Variants in COL26A1 observed in about 807,000 individuals in gnomAD.
COL26A1 encodes the protein collagen alpha-1(XXVI) chain.
A neutral mutation model predicts 59.3 loss-of-function variants in COL26A1; 41 were observed. The observed-to-expected ratio is 0.69, with a 90% CI of 0.54 to 0.90. The LOEUF is 0.90. COL26A1 is among the 40% of genes least tolerant of loss of function. The pLI is 0.00. For synonymous variants in COL26A1, 266 were observed against 256.0 expected (o/e 1.04, Z -0.37); for missense variants, 612 against 602.3 (o/e 1.02, Z -0.17).
chr7:101,516,404 C>T (rs560192322), intron 3 of COL26A1, among the ~76,000 whole-genome samples: 5 of 151,970 alleles, frequency 3.3e-5, no homozygotes, highest in South Asian at 2.1e-4. Flanking sequence ...CTCGAATAGC[C>T]GGGACTACAG....
chr7:101,428,570 C>A (rs531694776), intron 2 of COL26A1, among the ~76,000 whole-genome samples: 2 of 152,218 alleles, frequency 1.3e-5, no homozygotes, highest in South Asian at 4.1e-4. Context: ...CAAGGTTGGA[C>A]AGGCAGTCGC....
chr7:101,401,744 GGAAGAGGAGGAAGAGGAGGAGGGA>G (rs1363473166), intron 1 of COL26A1, among the ~76,000 whole-genome samples: 1 of 136,572 alleles, frequency 7.3e-6, no homozygotes, highest in African/African-American at 3.0e-5. Context: ...AGAAGGAGGA[GGAAGAGGAGGAAGAGGAGGAGGGA>G]GAAGAGGAGG....
intron 3 of COL26A1, among the ~76,000 whole-genome samples, chr7:101,528,918 C>T (rs1384385232): frequency 6.6e-6 from 1 of 152,138 alleles, no homozygotes; most frequent in Non-Finnish European, 1.5e-5. Flanking sequence ...GTCATCTCAG[C>T]TCTTTGGGAG....
At chr7:101,516,107 TGG>T (rs1795023352) in intron 3 of COL26A1, among the ~76,000 whole-genome samples, 1 of 152,198 alleles carries the variant, frequency 6.6e-6, no homozygotes, top group Non-Finnish European at 1.5e-5. Context: ...AGCCCTGGGT[TGG>T]CCACCATTCA....
At chr7:101,394,606 A>G (rs1228201558) in intron 1 of COL26A1, among the ~76,000 whole-genome samples, 2 of 59,218 alleles carry the variant, frequency 3.4e-5, no homozygotes, top group Non-Finnish European at 7.1e-5. Context: ...TTTTTTTTGT[A>G]GAGATGGGGT....
intron 1 of COL26A1, among the ~76,000 whole-genome samples, chr7:101,395,562 G>A (rs562386231): frequency 1.1e-4 from 16 of 152,164 alleles, no homozygotes; most frequent in Admixed American, 5.9e-4. Context: ...TTTAATCAGC[G>A]GGGCTGGAGG....
At chr7:101,402,878 C>T (rs1792048969) in intron 1 of COL26A1, among the ~76,000 whole-genome samples, 1 of 150,908 alleles carries the variant, frequency 6.6e-6, no homozygotes, top group Non-Finnish European at 1.5e-5. Flanking sequence ...CAGGGTCTTG[C>T]TCTTTTGCCC....
chr7:101,451,253 AT>A (rs1407531621), intron 3 of COL26A1, among the ~76,000 whole-genome samples: 7 of 145,356 alleles, frequency 4.8e-5, no homozygotes, highest in African/African-American at 1.7e-4. Flanking sequence ...ATTGTATATA[AT>A]ATATACAATA....
Position 101,367,671 on chromosome 7 carries a change from GAA to G in COL26A1, c.158+4497_158+4498del, listed in dbSNP as rs60293558. On this transcript the variant is annotated intron_variant, in intron 1 of 12. Coordinates refer to ENST00000313669, the MANE Select transcript of COL26A1 (RefSeq NM_001278563.3). Reference sequence around the variant, plus strand: ...CAGAGTGAGACTCTGTCTCAAAAAAGAAAAAAAAAAAAAAAAAGAAGAAGAGA... The same window carrying G: ...CAGAGTGAGACTCTGTCTCAAAAAAGAAAAAAAAAAAAAAAGAAGAAGAGA... 5.2e-3 allele frequency among the ~76,000 whole-genome samples: 584 copies of G among 111,712 alleles called. 2 individuals carry two copies. The highest frequency in any genetic ancestry group is 0.015 in the African/African-American group (524 of 34,722). The allele number at this position is 111,712 out of a possible 152,430, so 73.3% of individuals were successfully genotyped here.
intron 2 of COL26A1, among the ~76,000 whole-genome samples, chr7:101,436,299 C>T (rs1484479441): frequency 6.6e-6 from 1 of 152,114 alleles, no homozygotes; most frequent in Non-Finnish European, 1.5e-5. Context: ...CGCTGGCCTG[C>T]AGCTATTAAT....
At chr7:101,397,661 C>T (rs1490811651) in intron 1 of COL26A1, among the ~76,000 whole-genome samples, 6 of 151,902 alleles carry the variant, frequency 3.9e-5, no homozygotes, top group South Asian at 2.1e-4. Context: ...CTTAGCCTCC[C>T]GAGTAGCTGG....
At chr7:101,429,188 T>C (rs971532608) in intron 2 of COL26A1, among the ~76,000 whole-genome samples, 1 of 152,176 alleles carries the variant, frequency 6.6e-6, no homozygotes, top group African/African-American at 2.4e-5. Context: ...CCTCCCAAAG[T>C]GCTGGGATTA....
intron 1 of COL26A1, among the ~76,000 whole-genome samples, chr7:101,381,194 G>A (rs10239458): frequency 0.061 from 9,313 of 152,132 alleles, 656 homozygotes; most frequent in African/African-American, 0.16. Flanking sequence ...GAGGCTCTGG[G>A]AAAGAACCTA....
chr7:101,522,715 T>A (rs923836060), intron 3 of COL26A1, among the ~76,000 whole-genome samples: 15 of 152,206 alleles, frequency 9.9e-5, no homozygotes, highest in African/African-American at 3.6e-4. Context: ...TTCAGCCTTA[T>A]TAGAGACTGC....
intron 3 of COL26A1, among the ~76,000 whole-genome samples, chr7:101,523,093 G>A (rs149150725): frequency 0.018 from 2,748 of 150,336 alleles, 31 homozygotes; most frequent in Middle Eastern, 0.062. Flanking sequence ...TTTTGAGGTG[G>A]AGTTTTGCTC....
intron 3 of COL26A1, among the ~76,000 whole-genome samples, chr7:101,459,565 C>T (rs974551429): frequency 6.6e-6 from 1 of 151,104 alleles, no homozygotes; most frequent in African/African-American, 2.4e-5. Context: ...ACCTTGGCCT[C>T]CCAAAGCATT....
At chr7:101,510,784 C>T (rs969741021) in intron 3 of COL26A1, among the ~76,000 whole-genome samples, 1 of 151,328 alleles carries the variant, frequency 6.6e-6, no homozygotes, top group Non-Finnish European at 1.5e-5. Context: ...CCTCCCAGAA[C>T]ATTGGGATTA....
chr7:101,366,781 G>A (rs367849722), intron 1 of COL26A1, among the ~76,000 whole-genome samples: 8 of 152,098 alleles, frequency 5.3e-5, no homozygotes, highest in African/African-American at 1.7e-4. Flanking sequence ...AATTACAGGT[G>A]TGAGCCACTG....
At chr7:101,463,613 C>G (rs1229101638) in intron 3 of COL26A1, among the ~76,000 whole-genome samples, 1 of 101,926 alleles carries the variant, frequency 9.8e-6, no homozygotes, top group Non-Finnish European at 1.8e-5. Context: ...CTTCTTCCCT[C>G]CCTCCCTCCC....
Sources: allele counts gnomAD v4.1 joint callset (sites outside exome capture counted in the v4.1 genomes callset), GRCh38; gene constraint gnomAD v4.1.1; transcripts MANE v1.5; gene names NCBI Gene and HGNC (gene_info 2026-07-23, HGNC 2026-07-21).